Variants in TDO2 observed in about 807,000 individuals in gnomAD.
TDO2 encodes tryptophan 2,3-dioxygenase, also known as tryptamin 2,3-dioxygenase.
Under a neutral mutation model 61.2 loss-of-function variants are expected in TDO2, and 63 were observed. That is an observed-to-expected ratio of 1.03 (90% CI 0.84 to 1.27). The LOEUF is 1.27. Among genes scored for constraint, TDO2 ranks in the 50% most tolerant of loss-of-function variants. The probability of loss-of-function intolerance (pLI) is 0.00; values close to 1 mark genes in which losing one functional copy is unlikely to be tolerated. For synonymous variants in TDO2, 183 were observed against 164.0 expected, an observed-to-expected ratio of 1.12 and a Z score of -0.89; for missense variants, 494 against 469.5, an observed-to-expected ratio of 1.05 and a Z score of -0.48.
chr4:155,912,494 A>G (rs966844914), intron 7 of TDO2, among the ~76,000 whole-genome samples: 1 of 152,090 alleles, frequency 6.6e-6, no homozygotes, highest in African/African-American at 2.4e-5. Context: ...ACTAATGACT[A>G]CTACTTATTC....
rs1742675990 is a variant in TDO2, at chr4:155,904,111, G to C, written c.129G>C (p.Gly43=). ...CCAGCAAAGGAGGTCTTATCTATGGGAACTACCTGCATGTAAGTGGCAGGG... is the reference window on the plus strand; with the variant it reads ...CCAGCAAAGGAGGTCTTATCTATGGCAACTACCTGCATGTAAGTGGCAGGG... The part of the protein sequence containing the change: ...NRASKGGLIY[G]NYLHLEKVLN... The change falls in exon 2 of 12, where the codon GGG becomes GGC. Residue 43 remains glycine, a synonymous_variant. Coordinates refer to ENST00000536354, the MANE Select transcript of TDO2 (RefSeq NM_005651.4). 1 of 1,613,594 alleles carries C rather than the reference G, an allele frequency of 6.2e-7. No homozygotes were observed. The highest frequency in any genetic ancestry group is 1.1e-5 in the South Asian group (1 of 91,006).
At chr4:155,914,018 C>A (rs934383735) in intron 7 of TDO2, among the ~76,000 whole-genome samples, 1 of 151,968 alleles carries the variant, frequency 6.6e-6, no homozygotes, top group African/African-American at 2.4e-5. Context: ...AAAATTATAT[C>A]ATTATTAACT....
At chr4:155,908,034 C>T (rs550981984) in intron 4 of TDO2, among the ~76,000 whole-genome samples, 1 of 152,286 alleles carries the variant, frequency 6.6e-6, no homozygotes, top group South Asian at 2.1e-4. Context: ...GAACTCATTT[C>T]CACCCACAAA....
At chr4:155,915,795 A>G (rs1742921231) in intron 8 of TDO2, 60 bp from the exon 9 acceptor site, 8 of 1,456,216 alleles carry the variant, frequency 5.5e-6, no homozygotes, top group Middle Eastern at 1.7e-4. Context: ...GACGATGCCA[A>G]ATTAATACAA....
At chr4:155,912,984 C>T (rs1390380490) in intron 7 of TDO2, among the ~76,000 whole-genome samples, 1 of 152,078 alleles carries the variant, frequency 6.6e-6, no homozygotes, top group African/African-American at 2.4e-5. Context: ...CCTCTTGTTT[C>T]ACCACTTCTT....
chr4:155,908,339 T>C (rs116673519), intron 4 of TDO2, among the ~76,000 whole-genome samples: 11 of 152,256 alleles, frequency 7.2e-5, no homozygotes, highest in Admixed American at 2.0e-4. Context: ...CTTCTCCATC[T>C]CCCACCCTGC....
intron 8 of TDO2, among the ~76,000 whole-genome samples, chr4:155,915,096 C>G (rs1742907230): frequency 6.6e-6 from 1 of 152,104 alleles, no homozygotes; most frequent in African/African-American, 2.4e-5. Context: ...ACTTTCGGCA[C>G]AATTAGTACT....
Position 155,905,076 on chromosome 4 carries a change from GT to G in TDO2, c.155del (p.Leu52Ter), listed in dbSNP as rs769684835. 66 of 1,584,724 alleles carry G rather than the reference GT, an allele frequency of 4.2e-5. No homozygotes were observed. The highest frequency in any genetic ancestry group is 5.6e-5 in the Non-Finnish European group (65 of 1,169,548). ...TATTTTTCATTTCAAGTTGGAAAAAGTTTTGAATGCACAAGAACTGCAAAGT... is the reference window on the plus strand; with the variant it reads ...TATTTTTCATTTCAAGTTGGAAAAAGTTTGAATGCACAAGAACTGCAAAGT... ...IYGNYLHLEK[V>X]LNAQELQSET... On this transcript the variant is annotated frameshift_variant, in exon 3 of 12. Coordinates refer to ENST00000536354, the MANE Select transcript of TDO2 (RefSeq NM_005651.4). LOFTEE classifies it high-confidence loss of function.
chr4:155,908,791 T>G (rs1742764790), intron 4 of TDO2, 96 bp from the exon 5 acceptor site: 2 of 1,438,542 alleles, frequency 1.4e-6, no homozygotes, highest in East Asian at 2.4e-5. Context: ...AAAACCAAAT[T>G]AGAGACAAAA....
intron 11 of TDO2, chr4:155,918,814 A>G (rs1033293857): frequency 3.9e-5 from 6 of 152,418 alleles, no homozygotes; most frequent in African/African-American, 1.4e-4. Context: ...ATAAATGGAC[A>G]AATGGATACA....
chr4:155,903,958 C>A, intron 1 of TDO2, 60 bp from the exon 2 acceptor site: 3 of 1,505,246 alleles, frequency 2.0e-6, no homozygotes, highest in Non-Finnish European at 2.8e-6. Flanking sequence ...TCACCCATAT[C>A]ATTAGTTAAC....
intron 4 of TDO2, 33 bp downstream of exon 4, chr4:155,907,825 T>C (rs747396897): frequency 3.9e-6 from 6 of 1,535,416 alleles, no homozygotes; most frequent in Non-Finnish European, 5.4e-6. Flanking sequence ...TGGTTTCATG[T>C]ATATTTTTGG....
intron 8 of TDO2, among the ~76,000 whole-genome samples, chr4:155,915,102 G>A (rs767691700): frequency 1.3e-5 from 2 of 152,098 alleles, no homozygotes; most frequent in African/African-American, 2.4e-5. Flanking sequence ...GGCACAATTA[G>A]TACTGAGCTG....
intron 7 of TDO2, among the ~76,000 whole-genome samples, chr4:155,911,844 ATAT>A (rs1315226001): frequency 6.6e-6 from 1 of 152,152 alleles, no homozygotes; most frequent in Non-Finnish European, 1.5e-5. Flanking sequence ...GCTGAGATTA[ATAT>A]TATTTTTCAT....
At chr4:155,915,813 T>G in intron 8 of TDO2, 42 bp from the exon 9 acceptor site, 1 of 1,565,366 alleles carries the variant, frequency 6.4e-7, no homozygotes, top group Non-Finnish European at 8.7e-7. Flanking sequence ...CAAAATTACC[T>G]TAAATGACCT....
intron 3 of TDO2, 102 bp from the exon 4 acceptor site, chr4:155,907,620 A>G (rs1359576955): frequency 2.7e-6 from 2 of 736,126 alleles, no homozygotes; most frequent in Non-Finnish European, 4.6e-6. Context: ...TTTTAAGGTA[A>G]CATTTTAATT....
Position 155,907,721 on chromosome 4 carries a change from G to T in TDO2, c.233-1G>T. 1 of 1,611,096 alleles carries T rather than the reference G, an allele frequency of 6.2e-7. No homozygotes were observed. Among genetic ancestry groups the T allele is most frequent in the Non-Finnish European group, 8.5e-7 (1 of 1,178,602 alleles). ...AACTGACAATGATTTCCTTATTACA[G>T]CTTATGAACTCTGGTTTAAGCAAAT... is the stretch of plus-strand genomic sequence containing the variant. On this transcript the variant is annotated splice_acceptor_variant, in intron 3 of 11. Coordinates refer to ENST00000536354, the MANE Select transcript of TDO2 (RefSeq NM_005651.4). LOFTEE classifies it high-confidence loss of function.
intron 5 of TDO2, among the ~76,000 whole-genome samples, chr4:155,909,522 T>C (rs1245362082): frequency 2.0e-5 from 3 of 152,180 alleles, no homozygotes; most frequent in Non-Finnish European, 2.9e-5. Flanking sequence ...GTAACATGCA[T>C]GTCCTGAACA....
chr4:155,917,442 T>C lies in TDO2; in HGVS notation c.944T>C (p.Met315Thr), dbSNP rs993555422. ...CCTTTTCAGTTGCTGACTTCTCTTA[T>C]GGACATAGATTCACTGATGACCAAA... ...QVPFQLLTSL[M>T]DIDSLMTKWR... Residue 315 changes from methionine (M) to threonine (T), a missense_variant, in exon 10 of 12, where the codon ATG becomes ACG. By Grantham distance (81) the Met-to-Thr change is moderately conservative. Transcript: ENST00000536354. 4 of 1,611,816 alleles carry C rather than the reference T, an allele frequency of 2.5e-6. No homozygotes were observed. The highest frequency in any genetic ancestry group is 1.7e-5 in the Admixed American group (1 of 59,500).
Sources: gnomAD v4.1 joint callset for allele counts (sites outside exome capture counted in the v4.1 genomes callset) on GRCh38, gnomAD v4.1.1 for gene constraint, MANE v1.5 for transcripts, NCBI Gene and HGNC (gene_info 2026-07-23, HGNC 2026-07-21) for gene names.